The following ULK4 variants were observed in gnomAD, a reference collection of about 807,000 sequenced individuals.
The protein encoded by ULK4 is unc-51 like kinase 4.
Under a neutral mutation model 160.6 loss-of-function variants are expected in ULK4, and 133 were observed. That is an observed-to-expected ratio of 0.83 (90% CI 0.72 to 0.96). The LOEUF is 0.96. Ranked by LOEUF, ULK4 falls within the 40% of genes least tolerant of loss-of-function variation. The pLI is 0.00. For synonymous variants in ULK4, 534 were observed against 539.8 expected, an observed-to-expected ratio of 0.99 and a Z score of 0.15; for missense variants, 1,580 against 1,499.5, an observed-to-expected ratio of 1.05 and a Z score of -0.89.
intron 17 of ULK4, among the ~76,000 whole-genome samples, chr3:41,877,090 T>A (rs1377954331): frequency 2.6e-5 from 4 of 152,110 alleles, no homozygotes; most frequent in Non-Finnish European, 4.4e-5. Flanking sequence ...CTAAAAAAAA[T>A]TGAAAACATA....
intron 32 of ULK4, among the ~76,000 whole-genome samples, chr3:41,527,430 C>A (rs2086157358): frequency 6.6e-6 from 1 of 152,212 alleles, no homozygotes; most frequent in African/African-American, 2.4e-5. Flanking sequence ...TAGATTTTGT[C>A]ACAACTGTAA....
chr3:41,777,960 A>G (rs1481528859), intron 21 of ULK4, among the ~76,000 whole-genome samples: 1 of 136,924 alleles, frequency 7.3e-6, no homozygotes, highest in Non-Finnish European at 1.6e-5. Flanking sequence ...CCTATTCAAC[A>G]TAGTGTTGGA....
At chr3:41,252,349 G>C (rs2078757451) in intron 35 of ULK4, among the ~76,000 whole-genome samples, 1 of 152,056 alleles carries the variant, frequency 6.6e-6, no homozygotes, top group Admixed American at 6.6e-5. Context: ...AGACTTCAAA[G>C]TGCTATTATA....
chr3:41,325,905 C>T (rs1040123717), intron 35 of ULK4, among the ~76,000 whole-genome samples: 8 of 151,466 alleles, frequency 5.3e-5, no homozygotes, highest in African/African-American at 9.7e-5. Flanking sequence ...GGTGACACAG[C>T]GAGACTCCAT....
rs745621146 is a variant in ULK4, at chr3:41,932,025, T to C, written c.379-19A>G. ...AGAGTATCTATGAAGATCAAATAAA[T>C]GTTTTCAGAAAAAAAATCAACTTAA... On this transcript the variant is annotated intron_variant, in intron 4 of 36. Coordinates refer to ENST00000301831, the MANE Select transcript of ULK4 (RefSeq NM_017886.4). 1.2e-6 allele frequency: 2 copies of C among 1,601,162 alleles called. No individual in the cohort carries two copies. Among genetic ancestry groups the C allele is most frequent in the Admixed American group, 1.7e-5 (1 of 57,800 alleles).
intron 35 of ULK4, among the ~76,000 whole-genome samples, chr3:41,366,166 G>A (rs899229432): frequency 6.6e-6 from 1 of 152,200 alleles, no homozygotes; most frequent in Non-Finnish European, 1.5e-5. Flanking sequence ...ATAGCAGACA[G>A]CCCTGGGCAA....
At chr3:41,405,775 A>C (rs1373958392) in intron 34 of ULK4, among the ~76,000 whole-genome samples, 2 of 151,672 alleles carry the variant, frequency 1.3e-5, no homozygotes, top group Non-Finnish European at 2.9e-5. Flanking sequence ...TCTTCTTTTA[A>C]GAAATGTCTG....
chr3:41,482,317 C>G (rs933528021), intron 32 of ULK4, among the ~76,000 whole-genome samples: 4 of 152,160 alleles, frequency 2.6e-5, no homozygotes, highest in Admixed American at 2.6e-4. Flanking sequence ...TGGCATCCTT[C>G]TGAGAAACAC....
At chr3:41,494,713 A>G (rs1205341113) in intron 32 of ULK4, among the ~76,000 whole-genome samples, 4 of 152,150 alleles carry the variant, frequency 2.6e-5, no homozygotes, top group Non-Finnish European at 4.4e-5. Context: ...CCTTAAGCTG[A>G]TAAGCAACTT....
chr3:41,853,606 C>T (rs372838754), intron 17 of ULK4, among the ~76,000 whole-genome samples: 3 of 152,282 alleles, frequency 2.0e-5, no homozygotes, highest in East Asian at 1.9e-4. Context: ...AAGCACTGGC[C>T]TCAAGACAGG....
chr3:41,813,886 A>G (rs2040887850), intron 19 of ULK4, among the ~76,000 whole-genome samples: 1 of 152,234 alleles, frequency 6.6e-6, no homozygotes, highest in Non-Finnish European at 1.5e-5. Flanking sequence ...AAAGATTCCT[A>G]ACTTTCTGAA....
At chr3:41,261,879 A>C (rs146117603) in intron 35 of ULK4, among the ~76,000 whole-genome samples, 1 of 152,260 alleles carries the variant, frequency 6.6e-6, no homozygotes, top group Non-Finnish European at 1.5e-5. Flanking sequence ...TCTTAGATGG[A>C]GGTCCGTCTT....
At chr3:41,793,204 T>G (rs1236562444) in intron 20 of ULK4, among the ~76,000 whole-genome samples, 1 of 148,828 alleles carries the variant, frequency 6.7e-6, no homozygotes, top group Non-Finnish European at 1.5e-5. Context: ...AAAAATAGAG[T>G]CTGAGATTAT....
chr3:41,937,392 T>C, intron 3 of ULK4: 1 of 669,478 alleles, frequency 1.5e-6, no homozygotes, highest in Non-Finnish European at 2.7e-6. Context: ...AAATTACTTC[T>C]TTAAGTTTTA....
intron 35 of ULK4, among the ~76,000 whole-genome samples, chr3:41,308,608 A>C (rs1392700554): frequency 6.6e-6 from 1 of 152,232 alleles, no homozygotes; most frequent in Non-Finnish European, 1.5e-5. Context: ...TGGGTTAAGC[A>C]GTAGATAAGC....
chr3:41,249,494 C>A lies in ULK4; in HGVS notation c.3759G>T (p.Gly1253=), dbSNP rs762523591. 2 of 1,613,554 alleles carry A rather than the reference C, an allele frequency of 1.2e-6. No individual in the cohort carries two copies. The highest frequency in any genetic ancestry group is 1.1e-5 in the South Asian group (1 of 90,956). Residue 1253 remains glycine (G), a synonymous_variant, in exon 36 of 37, where the codon GGG becomes GGT. Transcript: ENST00000301831. ...LLRALERLAP[G]SGSFADSAVA... is the part of the protein sequence containing the mutation. Reference sequence around the variant, plus strand: ...TCCTCCTGGGTCCCACTTACCCACTCCCAGGGGCCAGCCGCTCCAGAGCCC... The same window carrying A: ...TCCTCCTGGGTCCCACTTACCCACTACCAGGGGCCAGCCGCTCCAGAGCCC...
intron 35 of ULK4, among the ~76,000 whole-genome samples, chr3:41,342,277 A>G (rs1422502613): frequency 6.6e-6 from 1 of 152,238 alleles, no homozygotes; most frequent in Non-Finnish European, 1.5e-5. Context: ...GAGAGAGATC[A>G]GAATGGAGAG....
intron 35 of ULK4, among the ~76,000 whole-genome samples, chr3:41,273,404 T>A (rs2079172404): frequency 6.6e-6 from 1 of 152,158 alleles, no homozygotes; most frequent in South Asian, 2.1e-4. Flanking sequence ...CATGGGGCAT[T>A]GTTCCCTTTA....
At chr3:41,845,058 C>T (rs1018829743) in intron 17 of ULK4, among the ~76,000 whole-genome samples, 8 of 151,678 alleles carry the variant, frequency 5.3e-5, no homozygotes, top group East Asian at 1.9e-4. Context: ...CTCCGCTTCC[C>T]GGGTTCATGC....
Sources: gnomAD v4.1 joint callset for allele counts (sites outside exome capture counted in the v4.1 genomes callset) on GRCh38, gnomAD v4.1.1 for gene constraint, MANE v1.5 for transcripts, NCBI Gene and HGNC (gene_info 2026-07-23, HGNC 2026-07-21) for gene names.